The following NFE2L2 variants were observed in gnomAD, a reference collection of about 807,000 sequenced individuals.
The protein encoded by NFE2L2 is nuclear factor erythroid 2-related factor 2.
NFE2L2 carries 20 observed loss-of-function variants against 49.6 expected under a neutral mutation model. The observed-to-expected ratio is 0.40, with a 90% CI of 0.28 to 0.59. NFE2L2 has a LOEUF of 0.59. Ranked by LOEUF, NFE2L2 falls within the 20% of genes least tolerant of loss-of-function variation. NFE2L2 has a pLI of 0.40. For missense variants in NFE2L2, 578 were observed against 714.2 expected (o/e 0.81, Z 2.17); for synonymous variants, 244 against 256.5 (o/e 0.95, Z 0.47).
In NFE2L2 at chr2:177,231,446, C is replaced by A. The variant is rs747208071; in HGVS notation, c.1157G>T (p.Gly386Val). The A allele has an allele frequency of 6.2e-7, 1 of 1,614,238 alleles. No homozygotes were observed. The highest frequency in any genetic ancestry group is 8.5e-7 in the Non-Finnish European group (1 of 1,180,036). The change falls in exon 5 of 5, where the codon GGA becomes GTA. Residue 386 changes from glycine to valine, a missense_variant. Transcript: ENST00000397062. ...TTTAGGACCATTCTGTTTGACACTT[C>A]CAGGGGCACTATCTAGCTCTTCCAC... ...SEVEELDSAP[G>V]SVKQNGPKTP...
chr2:177,247,169 T>A (rs1690161111), intron 1 of NFE2L2, among the ~76,000 whole-genome samples: 1 of 152,118 alleles, frequency 6.6e-6, no homozygotes, highest in Non-Finnish European at 1.5e-5. Context: ...CCTTTTACAC[T>A]CGCACCAGCA....
intron 2 of NFE2L2, 179 bp from the exon 3 acceptor site, chr2:177,233,518 GCTC>G (rs1446271771): frequency 1.7e-6 from 1 of 582,768 alleles, no homozygotes; most frequent in Non-Finnish European, 3.0e-6. Context: ...TCAGATCTTA[GCTC>G]CTCCAATTTT....
At chr2:177,253,538 T>C (rs1033160135) in intron 1 of NFE2L2, among the ~76,000 whole-genome samples, 2 of 152,216 alleles carry the variant, frequency 1.3e-5, no homozygotes, top group African/African-American at 4.8e-5. Context: ...CTAGGGTGTG[T>C]AGATACCTAA....
intron 1 of NFE2L2, among the ~76,000 whole-genome samples, chr2:177,264,074 G>A (rs1009652520): frequency 6.6e-6 from 1 of 152,152 alleles, no homozygotes; most frequent in Non-Finnish European, 1.5e-5. Flanking sequence ...GCGGCCCCGT[G>A]ACTAGGCACA....
intron 1 of NFE2L2, among the ~76,000 whole-genome samples, chr2:177,253,226 C>G (rs1690404313): frequency 6.6e-6 from 1 of 152,224 alleles, no homozygotes; most frequent in Non-Finnish European, 1.5e-5. Flanking sequence ...TTAGAAGTCA[C>G]ATTTTCTCAT....
chr2:177,237,969 G>T (rs75603023), intron 1 of NFE2L2, among the ~76,000 whole-genome samples: 2,487 of 152,234 alleles, frequency 0.016, 65 homozygotes, highest in African/African-American at 0.056. Flanking sequence ...CATCTTCTAG[G>T]TACTAGCACC....
chr2:177,263,714 C>T, intron 1 of NFE2L2: 1 of 985,520 alleles, frequency 1.0e-6, no homozygotes, highest in Non-Finnish European at 1.2e-6. Flanking sequence ...GCCTCAGAGT[C>T]CACTGCCCTC....
intron 1 of NFE2L2, among the ~76,000 whole-genome samples, chr2:177,264,071 C>T (rs959442747): frequency 5.3e-5 from 8 of 152,126 alleles, no homozygotes; most frequent in Admixed American, 2.6e-4. Context: ...AGAGCGGCCC[C>T]GTGACTAGGC....
chr2:177,248,629 G>C (rs930333840), intron 1 of NFE2L2, among the ~76,000 whole-genome samples: 5 of 152,134 alleles, frequency 3.3e-5, no homozygotes, highest in African/African-American at 7.2e-5. Flanking sequence ...GGCTGGTCTC[G>C]ATCTCCTCAC....
At chr2:177,250,489 A>G (rs561360390) in intron 1 of NFE2L2, among the ~76,000 whole-genome samples, 4 of 152,300 alleles carry the variant, frequency 2.6e-5, no homozygotes, top group East Asian at 3.9e-4. Flanking sequence ...AATGGCCACC[A>G]TTTATCTTGT....
intron 1 of NFE2L2, among the ~76,000 whole-genome samples, chr2:177,235,153 C>T (rs994303760): frequency 1.1e-4 from 16 of 151,386 alleles, no homozygotes; most frequent in Non-Finnish European, 1.8e-4. Flanking sequence ...GGGACAGGTG[C>T]GGTGGCTCAC....
rs541708178 is a variant in NFE2L2 at position 177,251,893 on chromosome 2, C to T, written c.45+12639G>A. 1.3e-4 allele frequency among the ~76,000 whole-genome samples: 20 copies of T among 150,626 alleles called. No individual in the cohort carries two copies. The South Asian group carries it at 3.8e-3, about 28-fold the overall frequency. On this transcript the variant is annotated intron_variant, in intron 1 of 4. Transcript: ENST00000397062. Reference sequence around the variant, plus strand: ...TGGTGGCCCGTGCCTGTAGTCCCAGCTACTCAGGAGGCTGAGGCAGAAGAA... The same window carrying T: ...TGGTGGCCCGTGCCTGTAGTCCCAGTTACTCAGGAGGCTGAGGCAGAAGAA...
At chr2:177,252,030 A>G (rs568024594) in intron 1 of NFE2L2, among the ~76,000 whole-genome samples, 3 of 147,940 alleles carry the variant, frequency 2.0e-5, no homozygotes, top group African/African-American at 7.4e-5. Flanking sequence ...GATTTTTTTC[A>G]AGAAGAAATG....
At chr2:177,263,475 G>C in intron 1 of NFE2L2, 2 of 985,570 alleles carry the variant, frequency 2.0e-6, no homozygotes, top group Non-Finnish European at 2.4e-6. Context: ...TAAATCCAAA[G>C]ACAAAGCCGC....
At chr2:177,232,927 G>T in intron 3 of NFE2L2, 1 of 480,114 alleles carries the variant, frequency 2.1e-6, no homozygotes, top group Non-Finnish European at 3.6e-6. Flanking sequence ...TTGCCCAGCT[G>T]GCTCTTTACT....
Position 177,264,567 on chromosome 2 carries a change from AGTCCATCATGATGAGCTGTG to A in NFE2L2, c.-11_9del. On this transcript the variant is annotated start_lost and 5_prime_UTR_variant, in exon 1 of 5. Transcript: ENST00000397062. Reference sequence around the variant, plus strand: ...GGGAGTCCCGGCGGCGGCAGCTCCAAGTCCATCATGATGAGCTGTGGACCGTGTGTTGGGGCTCCCCGACG... The same window carrying A: ...GGGAGTCCCGGCGGCGGCAGCTCCAAGACCGTGTGTTGGGGCTCCCCGACG... 6 of 1,517,286 alleles carry A rather than the reference AGTCCATCATGATGAGCTGTG, an allele frequency of 4.0e-6. No homozygotes were observed. Among genetic ancestry groups the A allele is most frequent in the Non-Finnish European group, 5.3e-6 (6 of 1,131,580 alleles). 94.0% of individuals were successfully genotyped at this position (1,517,286 alleles called of 1,614,324 possible). A position where few individuals can be genotyped will look rare whatever the true frequency, so the allele number is the denominator to read the frequency against.
intron 1 of NFE2L2, among the ~76,000 whole-genome samples, chr2:177,245,381 T>C (rs1690088692): frequency 1.3e-5 from 2 of 152,158 alleles, no homozygotes; most frequent in African/African-American, 4.8e-5. Context: ...AGGGTCTACT[T>C]TTCTAATTTT....
chr2:177,256,018 C>A (rs1004959097), intron 1 of NFE2L2: 1 of 154,436 alleles, frequency 6.5e-6, no homozygotes, highest in East Asian at 1.9e-4. Context: ...GAAGTCACTA[C>A]CAGGAATTTT....
chr2:177,231,731 G>C lies in NFE2L2; in HGVS notation c.872C>G (p.Ala291Gly). ...CATGCTGTTGCTGATACTGGGCTCA[G>C]CTATGAAAGCAGAATAAAATTCATC... The part of the protein sequence containing the change: ...FGDEFYSAFI[A>G]EPSISNSMPS... Residue 291 changes from alanine to glycine, a missense_variant, in exon 5 of 5, where the codon GCT becomes GGT. Physicochemically the swap from Ala to Gly is moderately conservative, Grantham distance 60. Around this residue, in one of 3 missense-constraint regions of NFE2L2, gnomAD observed 368 missense variants for 384.6 expected, o/e 0.96. Transcript: ENST00000397062. The C allele has an allele frequency of 6.2e-7, 1 of 1,614,206 alleles. No homozygotes were observed. Among genetic ancestry groups the C allele is most frequent in the South Asian group, 1.1e-5 (1 of 91,090 alleles).
Sources: gnomAD v4.1 joint callset for allele counts (sites outside exome capture counted in the v4.1 genomes callset) on GRCh38, gnomAD v4.1.1 for gene constraint, gnomAD v4.1.1 regional missense constraint, MANE v1.5 for transcripts, NCBI Gene and HGNC (gene_info 2026-07-23, HGNC 2026-07-21) for gene names.